The following MYO9B variants were observed in gnomAD, a reference collection of about 807,000 sequenced individuals.
The protein encoded by MYO9B is myosin IXB, also known as unconventional myosin-IXb.
MYO9B carries 71 observed loss-of-function variants against 229.5 expected under a neutral mutation model. That is an observed-to-expected ratio of 0.31 (90% CI 0.26 to 0.38). MYO9B has a LOEUF of 0.38. Among genes scored for constraint, MYO9B ranks in the 10% least tolerant of loss-of-function variants. The probability of loss-of-function intolerance (pLI) is 1.00; values close to 1 mark genes in which losing one functional copy is unlikely to be tolerated. For synonymous variants in MYO9B, 1,185 were observed against 1,235.8 expected, an observed-to-expected ratio of 0.96 and a Z score of 0.86; for missense variants, 2,255 against 2,920.5, an observed-to-expected ratio of 0.77 and a Z score of 5.25.
chr19:17,196,008 C>T (rs149237215), intron 22 of MYO9B, among the ~76,000 whole-genome samples: 4 of 152,022 alleles, frequency 2.6e-5, no homozygotes, highest in Non-Finnish European at 4.4e-5. Flanking sequence ...AGATCATTCT[C>T]TGCGGTGGGG....
chr19:17,180,903 C>G (rs745628397), intron 14 of MYO9B, 24 bp from the exon 15 acceptor site: 2 of 1,502,132 alleles, frequency 1.3e-6, no homozygotes, highest in Non-Finnish European at 1.8e-6. Flanking sequence ...TCTGTCACTG[C>G]GCCCCCTCCA....
chr19:17,159,574 C>A, intron 8 of MYO9B, 90 bp downstream of exon 8: 2 of 1,158,532 alleles, frequency 1.7e-6, no homozygotes, highest in Non-Finnish European at 2.5e-6. Context: ...GTGGGCTGTT[C>A]TGTCCCTGAA....
intron 22 of MYO9B, among the ~76,000 whole-genome samples, chr19:17,196,238 A>C (rs938008214): frequency 1.3e-5 from 2 of 151,840 alleles, no homozygotes; most frequent in African/African-American, 4.8e-5. Context: ...GGATGGATGG[A>C]AAATGATAGA....
Position 17,209,716 on chromosome 19 carries a change from ACCGGT to A in MYO9B, c.5748+8_5748+12del. 1 of 1,611,698 alleles carries A rather than the reference ACCGGT, an allele frequency of 6.2e-7. No homozygotes were observed. Among genetic ancestry groups the A allele is most frequent in the Non-Finnish European group, 8.5e-7 (1 of 1,178,584 alleles). The stretch of plus-strand genomic sequence containing the variant: ...GCTCCTGCGACAAAATGCTGTGAGT[ACCGGT>A]GATCGTGGGGGCGGGACCTCTTTGG... On this transcript the variant is annotated splice_region_variant and intron_variant, in intron 36 of 39. Transcript: ENST00000682292.
intron 8 of MYO9B, among the ~76,000 whole-genome samples, chr19:17,160,566 G>A (rs528119790): frequency 3.9e-4 from 57 of 146,372 alleles, no homozygotes; most frequent in African/African-American, 1.3e-3. Context: ...GGAGTGTAGT[G>A]GCACAATCTC....
chr19:17,089,014 G>A (rs1048478624), intron 1 of MYO9B, among the ~76,000 whole-genome samples: 3 of 152,142 alleles, frequency 2.0e-5, no homozygotes. Flanking sequence ...AAAGAGCTTA[G>A]TTCCTCCCTC....
chr19:17,172,051 A>G lies in MYO9B; in HGVS notation c.1794-285A>G, dbSNP rs1266248427. Among the ~76,000 whole-genome samples the G allele has an allele frequency of 1.3e-5, 2 of 152,158 alleles. No individual in the cohort carries two copies. Among genetic ancestry groups the G allele is most frequent in the Admixed American group, 1.3e-4 (2 of 15,272 alleles). The stretch of plus-strand genomic sequence containing the variant: ...CAGCTGACGCAGAGAGCAGAGTCCC[A>G]GCCCTCCACCAGCGTGTTCAGCATG... On this transcript the variant is annotated intron_variant, in intron 11 of 39. Transcript: ENST00000682292. This position sits in a 1 kb window ranked among gnomAD's most constrained non-coding sequence, Gnocchi z 8.2.
chr19:17,150,269 G>A (rs1451807142), intron 3 of MYO9B, among the ~76,000 whole-genome samples: 1 of 152,178 alleles, frequency 6.6e-6, no homozygotes, highest in Non-Finnish European at 1.5e-5. Context: ...TTAGCCAGGT[G>A]TGGTGGCTCA....
rs978340538 is a variant in MYO9B, at chr19:17,206,579, A to C, written c.5387-100A>C. 7.3e-5 allele frequency: 96 copies of C among 1,318,276 alleles called. No individual in the cohort carries two copies. The Middle Eastern group carries it at 1.4e-3, about 20-fold the overall frequency. The allele number at this position is 1,318,276 out of a possible 1,614,324, so 81.7% of individuals were successfully genotyped here. A position where few individuals can be genotyped will look rare whatever the true frequency, so the allele number is the denominator to read the frequency against. On this transcript the variant is annotated intron_variant, in intron 33 of 39. Coordinates refer to ENST00000682292, the MANE Select transcript of MYO9B (RefSeq NM_004145.4). ...CCATCCATTCTTGCCTGGGCACCAC[A>C]GGGTGGATGGCACCTGTGCATCTCA...
chr19:17,156,884 A>G, intron 6 of MYO9B, 25 bp from the exon 7 acceptor site: 4 of 1,607,020 alleles, frequency 2.5e-6, no homozygotes, highest in Non-Finnish European at 3.4e-6. Flanking sequence ...AAACTACCCA[A>G]ATATGAGTGC....
intron 2 of MYO9B, among the ~76,000 whole-genome samples, chr19:17,134,341 C>G (rs1458686952): frequency 3.5e-5 from 5 of 143,140 alleles, no homozygotes; most frequent in Non-Finnish European, 7.6e-5. Context: ...CATGTTGTTG[C>G]AAATGACAGG....
intron 14 of MYO9B, among the ~76,000 whole-genome samples, chr19:17,179,445 T>TTTA (rs2072830282): frequency 8.7e-6 from 1 of 115,276 alleles, no homozygotes; most frequent in African/African-American, 3.9e-5. Flanking sequence ...TTTTTTTTTT[T>TTTA]AGACAGAGTC....
At chr19:17,166,387 A>G (rs1369101305) in intron 10 of MYO9B, among the ~76,000 whole-genome samples, 1 of 152,140 alleles carries the variant, frequency 6.6e-6, no homozygotes, top group Non-Finnish European at 1.5e-5. Flanking sequence ...GTATTTAAGA[A>G]TGTGCATTCT....
At chr19:17,156,283 A>T (rs1487724930) in intron 6 of MYO9B, among the ~76,000 whole-genome samples, 7 of 152,046 alleles carry the variant, frequency 4.6e-5, no homozygotes, top group Admixed American at 6.6e-5. Flanking sequence ...GCATGGTGGT[A>T]CAAACCTGTA....
At position 17,192,876 on chromosome 19, in the gene MYO9B, G is replaced by A. The variant is rs980485023; in HGVS notation, c.2942G>A (p.Arg981Gln). Residue 981 changes from arginine (R) to glutamine (Q), a missense_variant, in exon 21 of 40, where the codon CGG becomes CAG. By Grantham distance (43) the Arg-to-Gln change is conservative. Around this residue, in one of 7 missense-constraint regions of MYO9B, gnomAD observed 679 missense variants for 770.2 expected, o/e 0.88. Transcript: ENST00000682292. ...LERRHFLQMK[R>Q]AAVTIQACWR... ...CGTCGGCACTTCCTGCAGATGAAGC[G>A]GGCCGCCGTCACCATCCAGGCCTGC... 34 of 1,550,402 alleles carry A rather than the reference G, an allele frequency of 2.2e-5. No individual in the cohort carries two copies. Among genetic ancestry groups the A allele is most frequent in the African/African-American group, 2.2e-4 (16 of 73,054 alleles).
At chr19:17,118,473 T>C (rs2057928984) in intron 2 of MYO9B, among the ~76,000 whole-genome samples, 1 of 151,732 alleles carries the variant, frequency 6.6e-6, no homozygotes, top group Non-Finnish European at 1.5e-5. Flanking sequence ...TTTATTTATT[T>C]ATTTATTTAT....
chr19:17,144,642 A>G (rs2072384388), intron 2 of MYO9B, among the ~76,000 whole-genome samples: 1 of 151,828 alleles, frequency 6.6e-6, no homozygotes. Context: ...CTCTCTGCTT[A>G]CTGGGTAGCC....
chr19:17,207,053 G>A, intron 34 of MYO9B, 60 bp from the exon 35 acceptor site: 2 of 1,586,570 alleles, frequency 1.3e-6, no homozygotes, highest in African/African-American at 1.3e-5. Flanking sequence ...CAGTCTCGGG[G>A]CTCCCTGGTA....
chr19:17,185,150 C>T (rs1018549481), intron 17 of MYO9B, among the ~76,000 whole-genome samples, 163 bp downstream of exon 17: 26 of 151,878 alleles, frequency 1.7e-4, no homozygotes, highest in African/African-American at 4.6e-4. Flanking sequence ...CCGAGGCGGG[C>T]GGATCACGAG....
Sources: gnomAD v4.1 joint callset for allele counts (sites outside exome capture counted in the v4.1 genomes callset) on GRCh38, gnomAD v4.1.1 for gene constraint, gnomAD v4.1.1 regional missense constraint, Gnocchi (gnomAD v3.1) non-coding constraint, MANE v1.5 for transcripts, NCBI Gene and HGNC (gene_info 2026-07-23, HGNC 2026-07-21) for gene names.